CSRNP3: variants seen among roughly 807,000 people sequenced by gnomAD.
The protein encoded by CSRNP3 is cysteine/serine-rich nuclear protein 3.
In CSRNP3, 12 loss-of-function variants were observed where a neutral mutation model predicts 48.0. The ratio of observed to expected loss-of-function variants is 0.25; its 90% CI spans 0.16 to 0.41. The LOEUF is 0.41. Among genes scored for constraint, CSRNP3 ranks in the 10% least tolerant of loss-of-function variants. CSRNP3 has a pLI of 1.00. For missense variants in CSRNP3, 580 were observed against 724.4 expected (o/e 0.80, Z 2.29); for synonymous variants, 263 against 269.7 (o/e 0.98, Z 0.24).
At chr2:165,642,109 C>CACACACACACAA (rs1262091585) in intron 4 of CSRNP3, among the ~76,000 whole-genome samples, 1 of 91,848 alleles carries the variant, frequency 1.1e-5, no homozygotes, top group Non-Finnish European at 2.2e-5. Context: ...CACAAACACA[C>CACACACACACAA]ACACACACAC....
At chr2:165,479,375 A>G (rs1195654393) in intron 1 of CSRNP3, among the ~76,000 whole-genome samples, 1 of 152,180 alleles carries the variant, frequency 6.6e-6, no homozygotes, top group Non-Finnish European at 1.5e-5. Context: ...TCAAGTGCCC[A>G]AATGCCTGGG....
intron 1 of CSRNP3, among the ~76,000 whole-genome samples, chr2:165,473,021 C>T (rs1683914200): frequency 6.6e-6 from 1 of 152,070 alleles, no homozygotes; most frequent in African/African-American, 2.4e-5. Flanking sequence ...AGCAAGCTAA[C>T]AACAAATCAG....
At chr2:165,525,540 G>A (rs957243859) in intron 3 of CSRNP3, among the ~76,000 whole-genome samples, 9 of 146,888 alleles carry the variant, frequency 6.1e-5, no homozygotes, top group Non-Finnish European at 1.2e-4. Context: ...AGGCTGGAGT[G>A]CAGTGGTGCG....
chr2:165,555,662 A>G (rs1348780512), intron 3 of CSRNP3, among the ~76,000 whole-genome samples: 1 of 152,240 alleles, frequency 6.6e-6, no homozygotes, highest in Admixed American at 6.5e-5. Flanking sequence ...GAGAAGGACC[A>G]CTATCAATAC....
chr2:165,666,940 AAGAAAG>A (rs1258593078), intron 5 of CSRNP3, among the ~76,000 whole-genome samples: 2 of 136,036 alleles, frequency 1.5e-5, no homozygotes, highest in Non-Finnish European at 1.6e-5. Context: ...GAGAAGAAGA[AAGAAAG>A]AGAGAGAGGA....
intron 3 of CSRNP3, among the ~76,000 whole-genome samples, chr2:165,582,903 C>G (rs1488667600): frequency 6.6e-6 from 1 of 152,232 alleles, no homozygotes; most frequent in Non-Finnish European, 1.5e-5. Flanking sequence ...ACAAACAATT[C>G]TGGCATAAAG....
chr2:165,514,613 G>A (rs1684551334), intron 2 of CSRNP3, among the ~76,000 whole-genome samples: 1 of 152,238 alleles, frequency 6.6e-6, no homozygotes, highest in African/African-American at 2.4e-5. Flanking sequence ...ATGGTCACCT[G>A]CATCAACTAC....
intron 3 of CSRNP3, among the ~76,000 whole-genome samples, chr2:165,570,745 T>C (rs114181328): frequency 0.016 from 2,377 of 152,020 alleles, 64 homozygotes; most frequent in African/African-American, 0.054. Context: ...GTTTTGCAGC[T>C]TTAGCATAGC....
chr2:165,523,839 C>G (rs1465969550), intron 3 of CSRNP3, among the ~76,000 whole-genome samples: 1 of 152,154 alleles, frequency 6.6e-6, no homozygotes, highest in African/African-American at 2.4e-5. Flanking sequence ...TATTTTACTC[C>G]TATTCAAATG....
At chr2:165,500,162 T>G (rs1382592330) in intron 2 of CSRNP3, among the ~76,000 whole-genome samples, 1 of 151,584 alleles carries the variant, frequency 6.6e-6, no homozygotes, top group Non-Finnish European at 1.5e-5. Context: ...ACTAGATGTT[T>G]CCATGGTGAG....
intron 4 of CSRNP3, among the ~76,000 whole-genome samples, chr2:165,653,065 C>A (rs1329040384): frequency 6.6e-6 from 1 of 152,140 alleles, no homozygotes; most frequent in Non-Finnish European, 1.5e-5. Context: ...CTGCTTCTCC[C>A]AGGCTCAAAG....
chr2:165,634,485 A>G (rs1686595519), intron 4 of CSRNP3, among the ~76,000 whole-genome samples: 1 of 152,260 alleles, frequency 6.6e-6, no homozygotes, highest in African/African-American at 2.4e-5. Flanking sequence ...CCCTGTTCTT[A>G]CAAAGGTTAC....
rs56361962 is a variant in CSRNP3, at chr2:165,657,003, A to G, written c.149-758A>G. Among the ~76,000 whole-genome samples, 353 of 152,326 alleles carry G rather than the reference A, an allele frequency of 2.3e-3. 1 individual carries two copies. The highest frequency in any genetic ancestry group is 8.0e-3 in the African/African-American group (333 of 41,572). The stretch of plus-strand genomic sequence containing the variant: ...GGTCAAGCACAATCCAAAAATATTA[A>G]ATGAAAATATCCTGAAATAAACCAT... On this transcript the variant is annotated intron_variant, in intron 4 of 6. Coordinates refer to ENST00000651982, the MANE Select transcript of CSRNP3 (RefSeq NM_001172173.2).
intron 3 of CSRNP3, among the ~76,000 whole-genome samples, chr2:165,534,100 AG>A (rs1435863463): frequency 1.3e-5 from 2 of 152,064 alleles, no homozygotes; most frequent in Admixed American, 1.3e-4. Flanking sequence ...ATCTCATCAA[AG>A]GTTGTATTGC....
intron 4 of CSRNP3, among the ~76,000 whole-genome samples, chr2:165,627,457 G>A (rs1276780039): frequency 6.6e-6 from 1 of 151,854 alleles, no homozygotes; most frequent in Non-Finnish European, 1.5e-5. Flanking sequence ...TTTCGTTCTG[G>A]GCCCTTGAAG....
chr2:165,679,610 TC>T lies in CSRNP3; in HGVS notation c.1618del (p.Gln540LysfsTer8), dbSNP rs1269467529. 6.2e-7 allele frequency: 1 copy of T among 1,613,976 alleles called. No individual in the cohort carries two copies. The highest frequency in any genetic ancestry group is 8.5e-7 in the Non-Finnish European group (1 of 1,180,014). On this transcript the variant is annotated frameshift_variant, in exon 7 of 7. Coordinates refer to ENST00000651982, the MANE Select transcript of CSRNP3 (RefSeq NM_001172173.2). LOFTEE classifies it high-confidence loss of function. ...VEFHSYLKGP[S>X]QEGFVSALNG... is the part of the protein sequence containing the mutation. Reference sequence around the variant, plus strand: ...ATTTCACTCATACTTGAAAGGCCCCTCCCAAGAAGGGTTTGTCTCTGCATTG... The same window carrying T: ...ATTTCACTCATACTTGAAAGGCCCCTCCAAGAAGGGTTTGTCTCTGCATTG...
At chr2:165,574,334 T>C in intron 3 of CSRNP3, 1 of 1,544,022 alleles carries the variant, frequency 6.5e-7, no homozygotes, top group South Asian at 1.2e-5. Context: ...TGGGGTTCTC[T>C]GCAGCAGTGT....
At chr2:165,574,472 T>A in intron 3 of CSRNP3, 1 of 1,385,850 alleles carries the variant, frequency 7.2e-7, no homozygotes, top group Non-Finnish European at 1.0e-6. Context: ...TTATTTCTAT[T>A]AAAGACACTG....
At chr2:165,552,946 G>A (rs1305559155) in intron 3 of CSRNP3, among the ~76,000 whole-genome samples, 3 of 152,064 alleles carry the variant, frequency 2.0e-5, no homozygotes, top group Non-Finnish European at 2.9e-5. Context: ...TGCCTACCTC[G>A]GCCTCCCACA....
Sources: gnomAD v4.1 joint callset for allele counts (sites outside exome capture counted in the v4.1 genomes callset) on GRCh38, gnomAD v4.1.1 for gene constraint, MANE v1.5 for transcripts, NCBI Gene and HGNC (gene_info 2026-07-23, HGNC 2026-07-21) for gene names.